ATP2B2: variants seen among roughly 807,000 people sequenced by gnomAD.
ATP2B2 encodes the protein plasma membrane calcium-transporting ATPase 2.
Under a neutral mutation model 120.0 loss-of-function variants are expected in ATP2B2, and 15 were observed. The observed-to-expected ratio is 0.12, with a 90% CI of 0.08 to 0.19. The LOEUF is 0.19. ATP2B2 is among the 10% of genes least tolerant of loss of function. The probability of loss-of-function intolerance (pLI) is 1.00; values close to 1 mark genes in which losing one functional copy is unlikely to be tolerated. For synonymous variants in ATP2B2, 694 were observed against 700.3 expected (o/e 0.99, Z 0.14); for missense variants, 1,045 against 1,719.8 (o/e 0.61, Z 6.94).
At chr3:10,536,844 C>T (rs2125486922) in intron 2 of ATP2B2, among the ~76,000 whole-genome samples, 1 of 152,288 alleles carries the variant, frequency 6.6e-6, no homozygotes, top group Non-Finnish European at 1.5e-5. Context: ...TTTTTGTCTA[C>T]AAGCTTTAGA....
At position 10,355,602 on chromosome 3, in the gene ATP2B2, C is replaced by T. The variant is rs550791145; in HGVS notation, c.2136+3089G>A. On this transcript the variant is annotated intron_variant, in intron 14 of 22. Coordinates refer to ENST00000360273, the MANE Select transcript of ATP2B2 (RefSeq NM_001001331.4). ...GGAAGTGGCTCGTTAGCGGCAAAGTCGGGGTTGGGGGTTGGCTCCAGGCCC... is the reference window on the plus strand; with the variant it reads ...GGAAGTGGCTCGTTAGCGGCAAAGTTGGGGTTGGGGGTTGGCTCCAGGCCC... 1.2e-4 allele frequency among the ~76,000 whole-genome samples: 18 copies of T among 152,238 alleles called. No homozygotes were observed. In the South Asian group the frequency reaches 1.2e-3, roughly 11 times the overall value.
At chr3:10,358,663 C>T in intron 14 of ATP2B2, 28 bp downstream of exon 14, 2 of 1,612,644 alleles carry the variant, frequency 1.2e-6, no homozygotes, top group Non-Finnish European at 1.7e-6. Context: ...CATCCCCTTT[C>T]CCTGAGCTCG....
rs373546240 is a variant in ATP2B2, at chr3:10,345,408, G to A, written c.2679C>T (p.Ala893=). The stretch of plus-strand genomic sequence containing the variant: ...CCTGCGTGATGCAGGCGCCTGTGAA[G>A]GCCACAATCACGGCCACCACGTTGA... ...LTVNVVAVIV[A]FTGACITQDS... is the part of the protein sequence containing the mutation. Residue 893 remains alanine, a synonymous_variant, in exon 18 of 23, where the codon GCC becomes GCT. Transcript: ENST00000360273. 2.5e-6 allele frequency: 4 copies of A among 1,614,082 alleles called. No homozygotes were observed. In the African/African-American group the frequency reaches 5.3e-5, roughly 22 times the overall value.
chr3:10,515,616 C>T (rs536462576), intron 3 of ATP2B2, among the ~76,000 whole-genome samples: 3 of 152,192 alleles, frequency 2.0e-5, no homozygotes, highest in South Asian at 2.1e-4. Flanking sequence ...CAGAACTACC[C>T]GGGCTAGAGG....
At chr3:10,469,955 G>A (rs1463155644) in intron 1 of ATP2B2, among the ~76,000 whole-genome samples, 1 of 152,086 alleles carries the variant, frequency 6.6e-6, no homozygotes, top group Non-Finnish European at 1.5e-5. Context: ...GATTTCAGGA[G>A]CCCAGACCCA....
chr3:10,654,203 G>A (rs74871830), intron 1 of ATP2B2, among the ~76,000 whole-genome samples: 1,705 of 152,180 alleles, frequency 0.011, 29 homozygotes, highest in Middle Eastern at 0.058. Flanking sequence ...GGGTGGACTC[G>A]GAACTTAAAC....
chr3:10,478,504 G>C (rs1200267631), intron 1 of ATP2B2, among the ~76,000 whole-genome samples: 1 of 152,066 alleles, frequency 6.6e-6, no homozygotes, highest in Non-Finnish European at 1.5e-5. Context: ...TTTGTGTGTG[G>C]TGTGAGGTAG....
intron 21 of ATP2B2, among the ~76,000 whole-genome samples, chr3:10,339,169 G>C (rs2060208360): frequency 2.0e-5 from 3 of 152,142 alleles, no homozygotes; most frequent in African/African-American, 7.2e-5. Context: ...CTCAGTTACT[G>C]GGCCCAGCCC....
intron 14 of ATP2B2, among the ~76,000 whole-genome samples, chr3:10,351,245 G>A (rs374916526): frequency 2.1e-5 from 3 of 143,654 alleles, no homozygotes; most frequent in Non-Finnish European, 3.1e-5. Context: ...TCCCAGCCCC[G>A]CCCCACCCTA....
chr3:10,506,342 C>T (rs2066626481), upstream of ATP2B2, among the ~76,000 whole-genome samples: 1 of 152,136 alleles, frequency 6.6e-6, no homozygotes, highest in South Asian at 2.1e-4. Context: ...AGGTGCCCAC[C>T]AGCAGGGGTG....
chr3:10,410,600 G>A lies in ATP2B2; in HGVS notation c.397+18C>T. 2 of 1,594,686 alleles carry A rather than the reference G, an allele frequency of 1.3e-6. No homozygotes were observed. Among genetic ancestry groups the A allele is most frequent in the African/African-American group, 1.3e-5 (1 of 74,626 alleles). ...GCCAGGTGTGCGGGGCGGTTCGTGG[G>A]TCTGAGGCCCATCTTACCTTCGTTG... is the stretch of plus-strand genomic sequence containing the variant. On this transcript the variant is annotated intron_variant, in intron 3 of 22. Transcript: ENST00000360273.
At chr3:10,583,319 C>A (rs2068434098) in intron 2 of ATP2B2, among the ~76,000 whole-genome samples, 2 of 152,154 alleles carry the variant, frequency 1.3e-5, no homozygotes, top group Admixed American at 1.3e-4. Context: ...AGAGAGCCTG[C>A]CCATGAACAC....
At position 10,477,036 on chromosome 3, in the gene ATP2B2, G is replaced by C. The variant is rs2065230658; in HGVS notation, c.-319-27174C>G. On this transcript the variant is annotated intron_variant, in intron 1 of 22. Transcript: ENST00000360273. ...GTCATAAGAAGGTGACCTGAGGTAG[G>C]CTCCAAATGCAGATTTTGGCTTGAA... Among the ~76,000 whole-genome samples the C allele has an allele frequency of 2.0e-5, 3 of 152,192 alleles. No homozygotes were observed. In the South Asian group the frequency reaches 6.2e-4, roughly 31 times the overall value.
At chr3:10,361,329 C>T (rs752153991) in intron 12 of ATP2B2, among the ~76,000 whole-genome samples, 10 of 152,174 alleles carry the variant, frequency 6.6e-5, no homozygotes, top group South Asian at 2.1e-4. Context: ...TAACTGCGCC[C>T]GGTTGTAACA....
At chr3:10,555,659 C>G (rs1401535395) in intron 2 of ATP2B2, among the ~76,000 whole-genome samples, 1 of 152,200 alleles carries the variant, frequency 6.6e-6, no homozygotes, top group Non-Finnish European at 1.5e-5. Flanking sequence ...TGTCTCTTCC[C>G]CTGTTGAATG....
chr3:10,390,746 C>CT (rs1321112052), intron 5 of ATP2B2, among the ~76,000 whole-genome samples: 1 of 152,146 alleles, frequency 6.6e-6, no homozygotes, highest in Non-Finnish European at 1.5e-5. Flanking sequence ...AAGGACAGTG[C>CT]TTTTTTTCCC....
At chr3:10,645,257 G>A (rs2070292925) in intron 1 of ATP2B2, among the ~76,000 whole-genome samples, 1 of 152,182 alleles carries the variant, frequency 6.6e-6, no homozygotes, top group African/African-American at 2.4e-5. Flanking sequence ...AAATAAAAAT[G>A]GAGGGGGGTT....
chr3:10,613,736 G>A (rs752719672), intron 2 of ATP2B2, among the ~76,000 whole-genome samples: 2 of 151,542 alleles, frequency 1.3e-5, no homozygotes, highest in South Asian at 2.1e-4. Flanking sequence ...CCCTGCTTCC[G>A]CCCTTGCCCC....
At chr3:10,550,912 G>T (rs1040014390) in intron 2 of ATP2B2, among the ~76,000 whole-genome samples, 5 of 152,170 alleles carry the variant, frequency 3.3e-5, no homozygotes, top group African/African-American at 1.2e-4. Flanking sequence ...CTCCAATCAG[G>T]CAGGTTGCTG....
Sources: allele counts gnomAD v4.1 joint callset (sites outside exome capture counted in the v4.1 genomes callset), GRCh38; gene constraint gnomAD v4.1.1; transcripts MANE v1.5; gene names NCBI Gene and HGNC (gene_info 2026-07-23, HGNC 2026-07-21).